The following LSAMP variants were observed in gnomAD, a reference collection of about 807,000 sequenced individuals.
LSAMP encodes limbic system associated membrane protein.
Under a neutral mutation model 38.6 loss-of-function variants are expected in LSAMP, and 7 were observed. The ratio of observed to expected loss-of-function variants is 0.18; its 90% CI spans 0.10 to 0.34. The LOEUF is 0.34. Ranked by LOEUF, LSAMP falls within the 10% of genes least tolerant of loss-of-function variation. The pLI, the probability that LSAMP is intolerant of heterozygous loss-of-function variation, is 1.00. For missense variants in LSAMP, 313 were observed against 420.0 expected (o/e 0.75, Z 2.23); for synonymous variants, 154 against 166.8 (o/e 0.92, Z 0.59).
intron 3 of LSAMP, among the ~76,000 whole-genome samples, chr3:115,885,299 A>C (rs6784424): frequency 0.59 from 89,642 of 151,670 alleles, 27,181 homozygotes; most frequent in Middle Eastern, 0.72. Context: ...ATTTTGTGTT[A>C]AAGAATTTTA....
At chr3:116,183,399 G>T (rs1360570896) in intron 1 of LSAMP, among the ~76,000 whole-genome samples, 2 of 151,866 alleles carry the variant, frequency 1.3e-5, no homozygotes, top group African/African-American at 4.8e-5. Context: ...TTTTTAACTT[G>T]TGGGAATAGA....
At chr3:115,842,684 G>A in intron 4 of LSAMP, 106 bp from the exon 5 acceptor site, 5 of 1,427,536 alleles carry the variant, frequency 3.5e-6, no homozygotes, top group Non-Finnish European at 4.8e-6. Context: ...AGGCAGGAAG[G>A]GAGCCATCTT....
intron 1 of LSAMP, among the ~76,000 whole-genome samples, chr3:116,125,629 C>T (rs1328999881): frequency 6.6e-6 from 1 of 152,138 alleles, no homozygotes; most frequent in Non-Finnish European, 1.5e-5. Flanking sequence ...CTCCCTATTT[C>T]AGTTGGATAA....
intron 1 of LSAMP, among the ~76,000 whole-genome samples, chr3:116,126,801 G>T (rs1709018343): frequency 6.6e-6 from 1 of 152,178 alleles, no homozygotes; most frequent in Non-Finnish European, 1.5e-5. Flanking sequence ...GACCAAGGTT[G>T]CAGTGAGCTG....
intron 1 of LSAMP, among the ~76,000 whole-genome samples, chr3:116,354,507 C>G (rs754847301): frequency 6.6e-6 from 1 of 152,116 alleles, no homozygotes; most frequent in Non-Finnish European, 1.5e-5. Context: ...AGTGGCTTTC[C>G]CTTGGCAATG....
intron 6 of LSAMP, among the ~76,000 whole-genome samples, chr3:115,824,018 A>C (rs1230324879): frequency 6.6e-6 from 1 of 152,210 alleles, no homozygotes; most frequent in Non-Finnish European, 1.5e-5. Flanking sequence ...TCTCAACATA[A>C]AGAGAATGCT....
intron 2 of LSAMP, among the ~76,000 whole-genome samples, chr3:116,077,703 TAA>T (rs1201869626): frequency 6.6e-6 from 1 of 152,192 alleles, no homozygotes; most frequent in Non-Finnish European, 1.5e-5. Context: ...AGACTCTACT[TAA>T]GTTTTGTCAA....
At chr3:116,214,830 G>C (rs2046201629) in intron 1 of LSAMP, among the ~76,000 whole-genome samples, 1 of 152,048 alleles carries the variant, frequency 6.6e-6, no homozygotes, top group Non-Finnish European at 1.5e-5. Flanking sequence ...ACATATGAAG[G>C]AGCCATCAGG....
intron 1 of LSAMP, among the ~76,000 whole-genome samples, chr3:116,316,354 A>G (rs1370438213): frequency 6.6e-6 from 1 of 152,330 alleles, no homozygotes; most frequent in East Asian, 1.9e-4. Context: ...GTTATCATTC[A>G]TCAAAGTACC....
intron 1 of LSAMP, among the ~76,000 whole-genome samples, chr3:116,383,652 C>T (rs547221474): frequency 4.6e-5 from 7 of 151,570 alleles, no homozygotes; most frequent in Admixed American, 6.6e-5. Context: ...AGAAAACGAA[C>T]GAAAAATGAA....
At chr3:116,067,972 A>G (rs571089713) in intron 2 of LSAMP, among the ~76,000 whole-genome samples, 66 of 152,314 alleles carry the variant, frequency 4.3e-4, no homozygotes, top group Non-Finnish European at 7.9e-4. Context: ...ACAAATGGTT[A>G]TGAAATGGAA....
chr3:115,996,164 T>A (rs1351770367), intron 3 of LSAMP, among the ~76,000 whole-genome samples: 2 of 152,070 alleles, frequency 1.3e-5, no homozygotes, highest in African/African-American at 4.8e-5. Context: ...AATTAAAGGA[T>A]TGATATCAAT....
intron 3 of LSAMP, among the ~76,000 whole-genome samples, chr3:115,986,988 T>G (rs1373388093): frequency 6.6e-6 from 1 of 152,154 alleles, no homozygotes; most frequent in Non-Finnish European, 1.5e-5. Context: ...TATCTGAACC[T>G]CATGAGCAAG....
chr3:115,811,775 T>TATACAGCACTTACTACACGATTTTGTGA (rs376589799), intron 6 of LSAMP, among the ~76,000 whole-genome samples: 38 of 152,330 alleles, frequency 2.5e-4, no homozygotes, highest in African/African-American at 8.7e-4. Context: ...CACAAACGAT[T>TATACAGCACTTACTACACGATTTTGTGA]ATACAGCACT....
intron 1 of LSAMP, among the ~76,000 whole-genome samples, chr3:116,397,312 C>T (rs2107820945): frequency 6.6e-6 from 1 of 152,140 alleles, no homozygotes; most frequent in South Asian, 2.1e-4. Flanking sequence ...TAAGTTCCTG[C>T]CTCAAGGCCT....
intron 3 of LSAMP, among the ~76,000 whole-genome samples, chr3:115,943,229 C>T (rs1343535093): frequency 6.6e-6 from 1 of 152,104 alleles, no homozygotes; most frequent in Non-Finnish European, 1.5e-5. Context: ...GGAAGAAAGC[C>T]TGGGGAGGTC....
At chr3:116,153,836 G>A (rs1709679436) in intron 1 of LSAMP, among the ~76,000 whole-genome samples, 1 of 151,946 alleles carries the variant, frequency 6.6e-6, no homozygotes, top group Admixed American at 6.6e-5. Flanking sequence ...ATAAAAGAAA[G>A]TAGAAAAAGA....
chr3:115,866,206 C>T (rs1335782563), intron 3 of LSAMP, among the ~76,000 whole-genome samples: 2 of 152,126 alleles, frequency 1.3e-5, no homozygotes, highest in Non-Finnish European at 1.5e-5. Context: ...AGTCTCAGCT[C>T]TGTTCCTGAG....
Position 116,441,033 on chromosome 3 carries a change from G to A in LSAMP, c.155+3844C>T, listed in dbSNP as rs115806445. On this transcript the variant is annotated intron_variant, in intron 1 of 6. Coordinates refer to ENST00000490035, the MANE Select transcript of LSAMP (RefSeq NM_002338.5). Reference sequence around the variant, plus strand: ...CTATCAAATAATCAAATCTCCTTTTGTTGTTTCTTCTTTTCCCCCCTTGGT... The same window carrying A: ...CTATCAAATAATCAAATCTCCTTTTATTGTTTCTTCTTTTCCCCCCTTGGT... Among the ~76,000 whole-genome samples the A allele has an allele frequency of 6.8e-3, 1,031 of 152,152 alleles. 13 individuals carry two copies. The highest frequency in any genetic ancestry group is 0.023 in the African/African-American group (959 of 41,538).
Sources: allele counts gnomAD v4.1 joint callset (sites outside exome capture counted in the v4.1 genomes callset), GRCh38; gene constraint gnomAD v4.1.1; transcripts MANE v1.5; gene names NCBI Gene and HGNC (gene_info 2026-07-23, HGNC 2026-07-21).